The following RFC3 variants were observed in gnomAD, a reference collection of about 807,000 sequenced individuals.
The protein encoded by RFC3 is replication factor C subunit 3.
Under a neutral mutation model 45.1 loss-of-function variants are expected in RFC3, and 41 were observed. That is an observed-to-expected ratio of 0.91 (90% CI 0.71 to 1.18). The LOEUF is 1.18. Ranked by LOEUF, RFC3 falls within the 50% of genes most tolerant of loss-of-function variation. RFC3 has a pLI of 0.00. For missense variants in RFC3, 423 were observed against 428.1 expected (o/e 0.99, Z 0.10); for synonymous variants, 149 against 144.0 (o/e 1.03, Z -0.25).
chr13:33,880,868 C>T (rs567416201), intron 8 of RFC3, among the ~76,000 whole-genome samples: 2 of 152,134 alleles, frequency 1.3e-5, no homozygotes, highest in South Asian at 4.2e-4. Context: ...CCAGCCTGGC[C>T]AATATAGTGA....
At position 33,963,116 on chromosome 13, in the gene RFC3, T is replaced by C. The variant is rs143942965; in HGVS notation, c.880-2971T>C. Among the ~76,000 whole-genome samples the C allele has an allele frequency of 9.1e-3, 1,389 of 152,192 alleles. 15 individuals carry two copies. The highest frequency in any genetic ancestry group is 0.031 in the African/African-American group (1,292 of 41,572). On this transcript the variant is annotated intron_variant, in intron 8 of 8. Coordinates refer to the RFC3 transcript ENST00000434425. ...TACAGGTTTTTCAATTTATTCTCCA[T>C]GTTTCTTTATTTTTAAGTTATGTAT...
chr13:33,967,549 G>A (rs2083094029), downstream of RFC3, among the ~76,000 whole-genome samples: 1 of 139,568 alleles, frequency 7.2e-6, no homozygotes. Context: ...GTGCAGTGGT[G>A]CGGTCTTGGC....
At chr13:33,864,544 A>G (rs1446308402) in intron 8 of RFC3, among the ~76,000 whole-genome samples, 1 of 152,062 alleles carries the variant, frequency 6.6e-6, no homozygotes, top group Non-Finnish European at 1.5e-5. Flanking sequence ...TGAAGGGTGG[A>G]TATGAGAGTG....
intron 8 of RFC3, among the ~76,000 whole-genome samples, chr13:33,863,438 C>T (rs763275036): frequency 2.6e-5 from 4 of 152,172 alleles, no homozygotes; most frequent in Non-Finnish European, 4.4e-5. Flanking sequence ...TGGGAGAAGG[C>T]AACATGGCTT....
intron 8 of RFC3, among the ~76,000 whole-genome samples, chr13:33,939,662 C>T (rs564051855): frequency 6.6e-6 from 1 of 152,168 alleles, no homozygotes; most frequent in Non-Finnish European, 1.5e-5. Context: ...GCTGATTCAT[C>T]AGAAGTACAG....
chr13:33,914,275 T>C (rs1032479806), intron 8 of RFC3, among the ~76,000 whole-genome samples: 5 of 152,164 alleles, frequency 3.3e-5, no homozygotes, highest in African/African-American at 1.2e-4. Flanking sequence ...TATTCTAGGC[T>C]ACTTTTTCTT....
chr13:33,836,499 T>C lies in RFC3; in HGVS notation c.*204T>C, dbSNP rs1032920802. 1.6e-6 allele frequency: 2 copies of C among 1,289,892 alleles called. No homozygotes were observed. The highest frequency in any genetic ancestry group is 3.0e-5 in the African/African-American group (2 of 67,356). The allele number at this position is 1,289,892 out of a possible 1,614,324, so 79.9% of individuals were successfully genotyped here. A position where few individuals can be genotyped will look rare whatever the true frequency, so the allele number is the denominator to read the frequency against. On this transcript the variant is annotated 3_prime_UTR_variant, in exon 9 of 9. Coordinates refer to ENST00000380071, the MANE Select transcript of RFC3 (RefSeq NM_002915.4). The stretch of plus-strand genomic sequence containing the variant: ...GAAGTATGTAGTTTTGTACATAACT[T>C]AGAGACTTTAGAGTCTAAGAAAATG...
intron 8 of RFC3, among the ~76,000 whole-genome samples, chr13:33,861,200 G>T (rs1249664976): frequency 3.9e-5 from 6 of 152,132 alleles, no homozygotes; most frequent in Non-Finnish European, 1.5e-5. Flanking sequence ...AAAAATAGAG[G>T]TTGCATGTCA....
intron 8 of RFC3, among the ~76,000 whole-genome samples, chr13:33,873,679 A>G (rs2082427299): frequency 6.6e-6 from 1 of 152,174 alleles, no homozygotes; most frequent in African/African-American, 2.4e-5. Context: ...GAGACTTTGA[A>G]CAAGACCCTT....
At chr13:33,847,219 C>CA (rs2079084009) in intron 8 of RFC3, 1 of 152,318 alleles carries the variant, frequency 6.6e-6, no homozygotes, top group African/African-American at 2.4e-5. Flanking sequence ...ATTCTCTCTG[C>CA]ACCATGCTGC....
At chr13:33,894,647 A>G (rs9971976) in intron 8 of RFC3, among the ~76,000 whole-genome samples, 30 of 152,270 alleles carry the variant, frequency 2.0e-4, no homozygotes, top group African/African-American at 6.3e-4. Context: ...GCCTGGGGCA[A>G]TTTTGGGTTC....
chr13:33,826,543 C>T (rs1049440911), intron 4 of RFC3, among the ~76,000 whole-genome samples: 14 of 152,052 alleles, frequency 9.2e-5, no homozygotes, highest in African/African-American at 3.4e-4. Flanking sequence ...TGTGAATTCG[C>T]TGTACATATT....
chr13:33,872,500 A>G (rs938956942), intron 8 of RFC3, among the ~76,000 whole-genome samples: 8 of 152,192 alleles, frequency 5.3e-5, no homozygotes, highest in African/African-American at 1.9e-4. Context: ...TTGGGAGGCC[A>G]AGGCGGGCGG....
intron 8 of RFC3, among the ~76,000 whole-genome samples, chr13:33,950,329 C>T (rs2137829174): frequency 6.6e-6 from 1 of 152,212 alleles, no homozygotes; most frequent in African/African-American, 2.4e-5. Context: ...TTTGGTGCCT[C>T]TGGCTAAGGA....
intron 8 of RFC3, among the ~76,000 whole-genome samples, chr13:33,899,190 A>G (rs2082621299): frequency 7.3e-6 from 1 of 137,774 alleles, no homozygotes; most frequent in Non-Finnish European, 1.6e-5. Flanking sequence ...AAACCAGACG[A>G]AGACACAATA....
At chr13:33,950,711 A>G (rs2082984047) in intron 8 of RFC3, among the ~76,000 whole-genome samples, 2 of 152,326 alleles carry the variant, frequency 1.3e-5, no homozygotes, top group East Asian at 3.9e-4. Context: ...CCTTGCCTGA[A>G]GCAAGATCTG....
At chr13:33,881,608 G>A (rs1593662284) in intron 8 of RFC3, among the ~76,000 whole-genome samples, 2 of 151,928 alleles carry the variant, frequency 1.3e-5, no homozygotes, top group Admixed American at 1.3e-4. Context: ...CCTCTCGGGG[G>A]CTATTTCGAG....
intron 8 of RFC3, among the ~76,000 whole-genome samples, chr13:33,965,013 A>G (rs1225265179): frequency 6.6e-6 from 1 of 152,100 alleles, no homozygotes; most frequent in Non-Finnish European, 1.5e-5. Context: ...GAGACAAGAA[A>G]CAATCTCCCC....
At chr13:33,841,559 AAGACATATACAAAATG>A (rs1348888574), downstream of RFC3, among the ~76,000 whole-genome samples, 1 of 152,208 alleles carries the variant, frequency 6.6e-6, no homozygotes, top group East Asian at 1.9e-4. Context: ...TACAGTATAT[AAGACATATACAAAATG>A]AGTTGACTTT....
Sources: allele counts gnomAD v4.1 joint callset (sites outside exome capture counted in the v4.1 genomes callset), GRCh38; gene constraint gnomAD v4.1.1; transcripts MANE v1.5; gene names NCBI Gene and HGNC (gene_info 2026-07-23, HGNC 2026-07-21).